KIF19: variants seen among roughly 807,000 people sequenced by gnomAD.
KIF19 encodes kinesin-like protein KIF19.
A neutral mutation model predicts 106.6 loss-of-function variants in KIF19; 98 were observed. That is an observed-to-expected ratio of 0.92 (90% CI 0.78 to 1.09). KIF19 has a LOEUF of 1.09. Among genes scored for constraint, KIF19 ranks in the 50% least tolerant of loss-of-function variants. The pLI is 0.00. For missense variants in KIF19, 1,373 were observed against 1,414.3 expected, an observed-to-expected ratio of 0.97 and a Z score of 0.47; for synonymous variants, 516 against 584.2, an observed-to-expected ratio of 0.88 and a Z score of 1.68.
intron 2 of KIF19, among the ~76,000 whole-genome samples, chr17:74,329,955 A>G (rs527304884): frequency 6.6e-6 from 1 of 152,348 alleles, no homozygotes; most frequent in Admixed American, 6.5e-5. Context: ...AGCAAACCAG[A>G]GGCAGATGGC....
chr17:74,331,589 T>TC lies in KIF19; in HGVS notation c.120+3084_120+3085insC, dbSNP rs1487249758. Reference sequence around the variant, plus strand: ...GAGTTCGGATTTGGATTTTTTTTTTTTTCTTGTGATGGAGTCTTGCTCTGT... The same window carrying TC: ...GAGTTCGGATTTGGATTTTTTTTTTTCTTCTTGTGATGGAGTCTTGCTCTGT... On this transcript the variant is annotated intron_variant, in intron 2 of 19. Transcript: ENST00000389916. The surrounding 1 kb of genome is among the most constrained non-coding windows in gnomAD (Gnocchi z 4.1). Among the ~76,000 whole-genome samples, 1 of 151,464 alleles carries TC rather than the reference T, an allele frequency of 6.6e-6. No individual in the cohort carries two copies. Among genetic ancestry groups the TC allele is most frequent in the Non-Finnish European group, 1.5e-5 (1 of 67,818 alleles).
At chr17:74,340,905 C>G (rs1213639435) in intron 2 of KIF19, among the ~76,000 whole-genome samples, 9 of 152,176 alleles carry the variant, frequency 5.9e-5, no homozygotes, top group African/African-American at 1.9e-4. Context: ...GAACTCAGAG[C>G]CTGGTTGGCA....
intron 2 of KIF19, among the ~76,000 whole-genome samples, chr17:74,334,931 G>A (rs2054183873): frequency 6.6e-6 from 1 of 152,164 alleles, no homozygotes; most frequent in South Asian, 2.1e-4. Context: ...GGTATAATAT[G>A]ATTTCTCCTC....
At chr17:74,337,925 G>A (rs77551356) in intron 2 of KIF19, among the ~76,000 whole-genome samples, 2,021 of 152,362 alleles carry the variant, frequency 0.013, 21 homozygotes, top group Middle Eastern at 0.02. Flanking sequence ...TGATGCTCTC[G>A]AGGGTGGGGC....
chr17:74,341,858 C>G lies in KIF19; in HGVS notation c.121-18C>G. ...GGGTTCCCAGGTGACCGTGGGCCTC[C>G]CTCTGGGGACCTTGCAGATGGTGGT... On this transcript the variant is annotated intron_variant, in intron 2 of 19. Transcript: ENST00000389916. 8.1e-6 allele frequency: 13 copies of G among 1,600,654 alleles called. No individual in the cohort carries two copies. The highest frequency in any genetic ancestry group is 1.1e-5 in the Non-Finnish European group (13 of 1,167,932).
intron 10 of KIF19, 146 bp from the exon 11 acceptor site, chr17:74,350,255 T>C: frequency 2.8e-6 from 2 of 715,712 alleles, no homozygotes; most frequent in Non-Finnish European, 4.5e-6. Flanking sequence ...TGTAGTAATC[T>C]AGGGGGTCTT....
At position 74,343,532 on chromosome 17, in the gene KIF19, C is replaced by T. The variant is rs369360187; in HGVS notation, c.456+372C>T. 9.3e-4 allele frequency among the ~76,000 whole-genome samples: 141 copies of T among 152,354 alleles called. 1 individual carries two copies. Among genetic ancestry groups the T allele is most frequent in the African/African-American group, 3.3e-3 (136 of 41,574 alleles). ...TGAACATACATGTACAGTCTGGAACCTGTGGGCCTTTGCCACCCAGCCACA... is the reference window on the plus strand; with the variant it reads ...TGAACATACATGTACAGTCTGGAACTTGTGGGCCTTTGCCACCCAGCCACA... On this transcript the variant is annotated intron_variant, in intron 5 of 19. Coordinates refer to ENST00000389916, the MANE Select transcript of KIF19 (RefSeq NM_153209.4).
intron 2 of KIF19, among the ~76,000 whole-genome samples, chr17:74,333,018 G>A (rs2054134892): frequency 6.6e-6 from 1 of 152,224 alleles, no homozygotes; most frequent in East Asian, 1.9e-4. Flanking sequence ...GGAGGCTGTT[G>A]GGAAAGATAA....
At chr17:74,334,344 C>T (rs2054171825) in intron 2 of KIF19, among the ~76,000 whole-genome samples, 1 of 152,164 alleles carries the variant, frequency 6.6e-6, no homozygotes, top group Non-Finnish European at 1.5e-5. Flanking sequence ...CCCACAGATT[C>T]TGACTGTGCG....
chr17:74,352,243 G>T lies in KIF19; in HGVS notation c.1883G>T (p.Arg628Leu), dbSNP rs754987099. Residue 628 changes from arginine (R) to leucine (L), a missense_variant, in exon 14 of 20, where the codon CGC becomes CTC. Physicochemically the swap from Arg to Leu is moderately radical, Grantham distance 102. This residue lies in a region of KIF19 where 1,020 missense variants were observed against 1,008.2 expected (regional missense o/e 1.01). Coordinates refer to ENST00000389916, the MANE Select transcript of KIF19 (RefSeq NM_153209.4). The stretch of plus-strand genomic sequence containing the variant: ...GACTACAACCTGGCCGTCCCGCAGC[G>T]CCTGGAAGAGCTCTACGAAGTGTAC... ...IDDYNLAVPQ[R>L]LEELYEVYLR... 3 of 1,612,902 alleles carry T rather than the reference G, an allele frequency of 1.9e-6. No homozygotes were observed. Among genetic ancestry groups the T allele is most frequent in the African/African-American group, 1.3e-5 (1 of 75,052 alleles).
intron 2 of KIF19, among the ~76,000 whole-genome samples, chr17:74,340,354 C>T (rs531594675): frequency 9.2e-5 from 14 of 152,306 alleles, no homozygotes; most frequent in African/African-American, 3.4e-4. Context: ...AGGACGCAGC[C>T]TCCTTCCTCT....
chr17:74,337,256 G>A (rs1010894907), intron 2 of KIF19, among the ~76,000 whole-genome samples: 2 of 151,634 alleles, frequency 1.3e-5, no homozygotes, highest in Non-Finnish European at 2.9e-5. Flanking sequence ...GACATCTGCT[G>A]TGTGCCAACC....
chr17:74,338,246 G>A (rs1251842377), intron 2 of KIF19, among the ~76,000 whole-genome samples: 1 of 152,232 alleles, frequency 6.6e-6, no homozygotes, highest in Non-Finnish European at 1.5e-5. Flanking sequence ...CTGGGTTCTG[G>A]TTGCATCCCA....
chr17:74,341,949 A>G lies in KIF19; in HGVS notation c.194A>G (p.Tyr65Cys), dbSNP rs867290570. ...LRAHRSREKS[Y>C]LFDVAFDFTA... is the part of the protein sequence containing the mutation. ...GCGCATCGCTCCCGGGAGAAGTCCTACCTGTTCGACGTGGCCTTTGACTTC... is the reference window on the plus strand; with the variant it reads ...GCGCATCGCTCCCGGGAGAAGTCCTGCCTGTTCGACGTGGCCTTTGACTTC... Residue 65 changes from tyrosine (Y) to cysteine (C), a missense_variant, in exon 3 of 20, where the codon TAC becomes TGC. Physicochemically the swap from Tyr to Cys is radical, Grantham distance 194 (BLOSUM62 -2). Around this residue, in one of 3 missense-constraint regions of KIF19, gnomAD observed 348 missense variants for 389.5 expected, o/e 0.89. Transcript: ENST00000389916. The G allele has an allele frequency of 3.1e-6, 5 of 1,613,482 alleles. No homozygotes were observed. Among genetic ancestry groups the G allele is most frequent in the Non-Finnish European group, 3.4e-6 (4 of 1,179,798 alleles).
intron 5 of KIF19, 107 bp from the exon 6 acceptor site, chr17:74,344,116 T>C: frequency 9.3e-7 from 1 of 1,074,758 alleles, no homozygotes. Context: ...TCAGGAAGGG[T>C]GAACTCTTGT....
Position 74,328,440 on chromosome 17 carries a change from C to T in KIF19, c.55C>T (p.Arg19Trp), listed in dbSNP as rs768238018. 3.0e-5 allele frequency: 48 copies of T among 1,609,778 alleles called. No homozygotes were observed. Among genetic ancestry groups the T allele is most frequent in the South Asian group, 2.8e-4 (25 of 89,756 alleles). ...TCCCTCCCAGGTGGCGCTTCGGGTC[C>T]GGCCCATCAGCGTGGCAGAGCTGGA... ...DQQLMVALRV[R>W]PISVAELEEG... The change falls in exon 2 of 20, where the codon CGG (arginine) becomes TGG (tryptophan). Residue 19 changes from arginine to tryptophan, a missense_variant. Physicochemically the swap from Arg to Trp is moderately radical, Grantham distance 101. Transcript: ENST00000389916.
chr17:74,355,280 C>T lies in KIF19; in HGVS notation c.2965C>T (p.His989Tyr), dbSNP rs1300451448. The T allele has an allele frequency of 6.2e-7, 1 of 1,612,212 alleles. No individual in the cohort carries two copies. Among genetic ancestry groups the T allele is most frequent in the African/African-American group, 1.3e-5 (1 of 74,938 alleles). The change falls in exon 20 of 20, where the codon CAT becomes TAT. Residue 989 changes from histidine (H) to tyrosine (Y), a missense_variant. Physicochemically the swap from His to Tyr is moderately conservative, Grantham distance 83. This residue lies in a region of KIF19 where 1,020 missense variants were observed against 1,008.2 expected (regional missense o/e 1.01). Coordinates refer to ENST00000389916, the MANE Select transcript of KIF19 (RefSeq NM_153209.4). ...GPRLPHGTST[H>Y]GKDGCSRHN ...CCGCCTGCCCCACGGCACAAGCACC[C>T]ATGGCAAAGATGGATGCTCCCGGCA...
chr17:74,328,280 C>G, intron 1 of KIF19, 145 bp from the exon 2 acceptor site: 2 of 665,656 alleles, frequency 3.0e-6, no homozygotes, highest in African/African-American at 1.8e-5. Flanking sequence ...GACCTGCTGC[C>G]CTCTGACCTA....
At chr17:74,337,342 G>T (rs201808367) in intron 2 of KIF19, among the ~76,000 whole-genome samples, 7,728 of 54,944 alleles carry the variant, frequency 0.14, 346 homozygotes, top group African/African-American at 0.28. Context: ...CTCACGGGGT[G>T]GGGGGGGTGC....
Sources: allele counts gnomAD v4.1 joint callset (sites outside exome capture counted in the v4.1 genomes callset), GRCh38; gene constraint gnomAD v4.1.1; regional missense constraint gnomAD v4.1.1; non-coding constraint Gnocchi (gnomAD v3.1); transcripts MANE v1.5; gene names NCBI Gene and HGNC (gene_info 2026-07-23, HGNC 2026-07-21).